The following GTPBP6 variants were observed in gnomAD, a reference collection of about 807,000 sequenced individuals.
GTPBP6 encodes putative GTP-binding protein 6.
A neutral mutation model predicts 28.9 loss-of-function variants in GTPBP6; 33 were observed. The ratio of observed to expected loss-of-function variants is 1.14; its 90% CI spans 0.87 to 1.53. GTPBP6 has a LOEUF of 1.53. Ranked by LOEUF, GTPBP6 falls within the 40% of genes most tolerant of loss-of-function variation. GTPBP6 has a pLI of 0.00. For missense variants in GTPBP6, 507 were observed against 408.3 expected (o/e 1.24, Z -2.08); for synonymous variants, 231 against 192.7 (o/e 1.20, Z -1.65).
chrX:314,578 T>C (rs901068867), intron 4 of GTPBP6, among the ~76,000 whole-genome samples: 3 of 151,884 alleles, frequency 2.0e-5, no homozygotes, highest in African/African-American at 4.8e-5. Flanking sequence ...GTTCACGCCA[T>C]TCTCCTGCCT....
rs149028645 is a variant in GTPBP6, at chrX:306,104, G to C, written c.1428-907C>G. The stretch of plus-strand genomic sequence containing the variant: ...ATTGGTAGGGAGACCTGTACCCCTT[G>C]ACTGGCAGCACAGATTAGGCACCTG... On this transcript the variant is annotated intron_variant, in intron 9 of 9. Coordinates refer to ENST00000326153, the Ensembl canonical transcript of GTPBP6. Among the ~76,000 whole-genome samples, 1,316 of 152,354 alleles carry C rather than the reference G, an allele frequency of 8.6e-3. 13 individuals are homozygous for C. Among genetic ancestry groups the C allele is most frequent in the African/African-American group, 0.03 (1,253 of 41,576 alleles).
chrX:317,155 G>A (rs2070453620), intron 1 of GTPBP6, 104 bp from the exon 2 acceptor site: 1 of 398,312 alleles, frequency 2.5e-6, no homozygotes, highest in South Asian at 1.3e-4. Flanking sequence ...TCTCCCCGGA[G>A]AAGGCACCTT....
chrX:306,665 A>G (rs1343638040), intron 9 of GTPBP6, among the ~76,000 whole-genome samples: 1 of 147,762 alleles, frequency 6.8e-6, no homozygotes, highest in African/African-American at 2.5e-5. Context: ...TGTTGTATGC[A>G]GTCAGAAATG....
intron 6 of GTPBP6, 89 bp from the exon 7 acceptor site, chrX:311,716 G>C: frequency 9.1e-7 from 1 of 1,099,116 alleles, no homozygotes; most frequent in Non-Finnish European, 1.4e-6. Flanking sequence ...GGAGACCACG[G>C]CACCCTCTGG....
intron 5 of GTPBP6, 26 bp downstream of exon 5, chrX:314,123 TG>T: frequency 6.3e-7 from 1 of 1,587,168 alleles, no homozygotes; most frequent in Non-Finnish European, 8.6e-7. Context: ...GAGGACCCTC[TG>T]GGACGCCGCG....
At chrX:307,642 C>A (rs772632254) in intron 8 of GTPBP6, 90 bp downstream of exon 8, 10 of 1,416,340 alleles carry the variant, frequency 7.1e-6, no homozygotes, top group Admixed American at 5.1e-5. Flanking sequence ...GCCACCGCTG[C>A]GGTTCACACG....
At chrX:316,630 C>T (rs1385538834) in intron 2 of GTPBP6, among the ~76,000 whole-genome samples, 61 of 152,256 alleles carry the variant, frequency 4.0e-4, no homozygotes, top group Admixed American at 1.6e-3. Flanking sequence ...GGGTTACAGC[C>T]GGTCCACCGC....
chrX:304,990 A>G, exon 10 of GTPBP6: 1 of 1,559,530 alleles, frequency 6.4e-7, no homozygotes, highest in South Asian at 1.2e-5. Context: ...TGCACCTGAC[A>G]CCAAGCTGCC....
At chrX:315,201 A>G in intron 3 of GTPBP6, 28 bp downstream of exon 3, 1 of 398,674 alleles carries the variant, frequency 2.5e-6, no homozygotes. Context: ...GTGCGGGGAC[A>G]AACACAGCAA....
intron 6 of GTPBP6, 30 bp from the exon 7 acceptor site, chrX:311,657 A>G: frequency 1.9e-6 from 3 of 1,553,610 alleles, no homozygotes; most frequent in Non-Finnish European, 2.7e-6. Context: ...AGGGCGCTGC[A>G]GAGATCCCTG....
At chrX:304,855 G>A in exon 10 of GTPBP6, 1 of 1,429,562 alleles carries the variant, frequency 7.0e-7, no homozygotes. Context: ...TGGATGCTCA[G>A]GCTTGGAGTG....
chrX:308,149 A>T (rs934498754), intron 7 of GTPBP6, among the ~76,000 whole-genome samples: 3 of 152,074 alleles, frequency 2.0e-5, no homozygotes, highest in Admixed American at 2.0e-4. Context: ...GGTGCCATAT[A>T]TGAGCACCCA....
At chrX:313,695 G>A (rs772158282) in intron 5 of GTPBP6, among the ~76,000 whole-genome samples, 1 of 151,178 alleles carries the variant, frequency 6.6e-6, no homozygotes, top group African/African-American at 2.4e-5. Context: ...ACACAGAGGA[G>A]GAGGCCACGT....
At position 315,228 on chromosome X, in the gene GTPBP6, C is replaced by T. The variant is rs1282076165; in HGVS notation, c.558+1G>A. 2 of 398,538 alleles carry T rather than the reference C, an allele frequency of 5.0e-6. No individual in the cohort carries two copies. Among genetic ancestry groups the T allele is most frequent in the Non-Finnish European group, 8.8e-6 (2 of 226,090 alleles). 24.7% of individuals were successfully genotyped at this position (398,538 alleles called of 1,614,324 possible). A position where few individuals can be genotyped will look rare whatever the true frequency, so the allele number is the denominator to read the frequency against. Reference sequence around the variant, plus strand: ...ACACAGCAAGCCACATCCTGTGGTACCTTGGTCGGGGCAGCCATCCTCTCC... The same window carrying T: ...ACACAGCAAGCCACATCCTGTGGTATCTTGGTCGGGGCAGCCATCCTCTCC... On this transcript the variant is annotated splice_donor_variant, in intron 3 of 9. Transcript: ENST00000326153. LOFTEE classifies it high-confidence loss of function.
intron 2 of GTPBP6, among the ~76,000 whole-genome samples, chrX:315,736 CACACAGACACAT>C (rs2070423161): frequency 7.0e-5 from 1 of 14,188 alleles, no homozygotes; most frequent in African/African-American, 2.1e-4. Flanking sequence ...GACAGACACA[CACACAGACACAT>C]ACACAGAGAC....
rs181802744 is a variant in GTPBP6, at chrX:312,418, G to C, written c.916+348C>G. 7.6e-6 allele frequency: 4 copies of C among 529,220 alleles called. No individual in the cohort carries two copies. In the Admixed American group the frequency reaches 9.0e-5, roughly 12 times the overall value. 32.8% of individuals were successfully genotyped at this position (529,220 alleles called of 1,614,324 possible). ...ATTGTGTAGACAGGGTGGTGGTATA[G>C]ATAGGGCAGTGGGGATGGTCTAGAC... On this transcript the variant is annotated intron_variant, in intron 6 of 9. Coordinates refer to ENST00000326153, the Ensembl canonical transcript of GTPBP6.
At chrX:314,183 G>T in exon 5 of GTPBP6, 2 of 1,613,378 alleles carry the variant, frequency 1.2e-6, no homozygotes, top group Non-Finnish European at 1.7e-6. Flanking sequence ...CCGACTCCTC[G>T]GTACAGGTGG....
chrX:307,630 C>T, intron 8 of GTPBP6, 102 bp downstream of exon 8: 1 of 1,419,240 alleles, frequency 7.0e-7, no homozygotes. Context: ...TGTGTCCTGA[C>T]TGCCACCGCT....
intron 7 of GTPBP6, 30 bp from the exon 8 acceptor site, chrX:307,910 C>T (rs774444849): frequency 3.7e-5 from 54 of 1,473,684 alleles, no homozygotes; most frequent in Admixed American, 3.6e-4. Flanking sequence ...GTCAGAGCTG[C>T]GGAGCCTCTG....
Sources: allele counts gnomAD v4.1 joint callset (sites outside exome capture counted in the v4.1 genomes callset), GRCh38; gene constraint gnomAD v4.1.1; transcripts MANE v1.5; gene names NCBI Gene and HGNC (gene_info 2026-07-23, HGNC 2026-07-21).